Variants in MPDZ observed in about 807,000 individuals in gnomAD.
MPDZ encodes the protein multiple PDZ domain crumbs cell polarity complex component, also known as multiple PDZ domain protein.
MPDZ carries 234 observed loss-of-function variants against 239.1 expected under a neutral mutation model. The ratio of observed to expected loss-of-function variants is 0.98; its 90% CI spans 0.88 to 1.09. The LOEUF (loss-of-function observed/expected upper bound fraction) is 1.09, where lower values mean the gene tolerates loss of function less well. Among genes scored for constraint, MPDZ ranks in the 50% least tolerant of loss-of-function variants. The pLI is 0.00. For synonymous variants in MPDZ, 1,048 were observed against 881.3 expected (o/e 1.19, Z -3.35); for missense variants, 3,175 against 2,510.0 (o/e 1.26, Z -5.66).
chr9:13,107,246 C>T (rs746733454), intron 46 of MPDZ, 135 bp from the exon 47 acceptor site: 12 of 907,490 alleles, frequency 1.3e-5, no homozygotes, highest in Non-Finnish European at 1.7e-5. Flanking sequence ...CATGGGTGCT[C>T]TAAGCCATTA....
At chr9:13,217,367 A>C in intron 8 of MPDZ, 73 bp from the exon 9 acceptor site, 1 of 968,298 alleles carries the variant, frequency 1.0e-6, no homozygotes, top group Non-Finnish European at 1.5e-6. Flanking sequence ...AAACAAACAA[A>C]CAAAAAAACC....
At position 13,251,536 on chromosome 9, in the gene MPDZ, G is replaced by A. The variant is rs74537205; in HGVS notation, c.-57-1164C>T. ...ACAGAAAACCCTGAATCATGAGGAA[G>A]ACAGTCAGTCAGTCATTCCTTCAAT... On this transcript the variant is annotated intron_variant, in intron 1 of 46. Transcript: ENST00000319217. Among the ~76,000 whole-genome samples, 1,036 of 152,300 alleles carry A rather than the reference G, an allele frequency of 6.8e-3. 16 individuals carry two copies. The highest frequency in any genetic ancestry group is 0.024 in the African/African-American group (1,000 of 41,552).
chr9:13,159,365 T>C (rs1406380403), intron 23 of MPDZ, among the ~76,000 whole-genome samples: 1 of 152,140 alleles, frequency 6.6e-6, no homozygotes, highest in Admixed American at 6.6e-5. Flanking sequence ...CGAATGAGGG[T>C]AGGGCTCCTA....
intron 3 of MPDZ, among the ~76,000 whole-genome samples, chr9:13,227,512 G>A (rs575557075): frequency 6.6e-6 from 1 of 152,004 alleles, no homozygotes; most frequent in Non-Finnish European, 1.5e-5. Flanking sequence ...AATGGCTATG[G>A]TATGTTTGCA....
chr9:13,218,445 C>T (rs193256567), intron 8 of MPDZ, among the ~76,000 whole-genome samples: 83 of 151,946 alleles, frequency 5.5e-4, no homozygotes, highest in Admixed American at 2.6e-3. Flanking sequence ...AAGTGGTTTT[C>T]GGTATTGCAT....
chr9:13,242,661 T>C (rs1464264067), intron 3 of MPDZ, among the ~76,000 whole-genome samples: 3 of 151,390 alleles, frequency 2.0e-5, no homozygotes, highest in African/African-American at 7.3e-5. Flanking sequence ...AAATAAAACA[T>C]CTTACTTAAA....
In MPDZ at chr9:13,157,979, A is replaced by C. The variant is rs187536161; in HGVS notation, c.3452+39T>G. ...ACACCTGCTTATCTTTAAACACTAT[A>C]TATCCATTGGGTGGACAGAAGACAG... On this transcript the variant is annotated intron_variant, in intron 24 of 46. Coordinates refer to ENST00000319217, the MANE Select transcript of MPDZ (RefSeq NM_001378778.1). The C allele has an allele frequency of 2.4e-4, 366 of 1,532,880 alleles. 2 individuals are homozygous for C. In the African/African-American group the frequency reaches 4.3e-3, roughly 18 times the overall value. The allele number at this position is 1,532,880 out of a possible 1,614,324, so 95.0% of individuals were successfully genotyped here. A position where few individuals can be genotyped will look rare whatever the true frequency, so the allele number is the denominator to read the frequency against.
intron 12 of MPDZ, among the ~76,000 whole-genome samples, chr9:13,201,099 A>G (rs754649894): frequency 6.6e-6 from 1 of 151,930 alleles, no homozygotes; most frequent in African/African-American, 2.4e-5. Context: ...TGTTGGGTGT[A>G]TATATATTTA....
intron 1 of MPDZ, among the ~76,000 whole-genome samples, chr9:13,260,937 G>A (rs1970546571): frequency 6.6e-6 from 1 of 152,136 alleles, no homozygotes; most frequent in African/African-American, 2.4e-5. Context: ...CTCCTCCAAG[G>A]ACTATGCTAT....
intron 39 of MPDZ, among the ~76,000 whole-genome samples, chr9:13,118,342 G>A (rs149993546): frequency 7.1e-4 from 108 of 152,212 alleles, no homozygotes; most frequent in East Asian, 2.1e-3. Context: ...GAGAAGTGAC[G>A]AATGTTAACT....
At position 13,196,572 on chromosome 9, in the gene MPDZ, G is replaced by A. The variant is rs532972934; in HGVS notation, c.1547-342C>T. ...TAATGCTACAGTAAAAAGGGATGTC[G>A]TCTTCAATGTTCTCTGTTTTATTTT... On this transcript the variant is annotated intron_variant, in intron 12 of 46. Coordinates refer to ENST00000319217, the MANE Select transcript of MPDZ (RefSeq NM_001378778.1). Among the ~76,000 whole-genome samples, 51 of 152,104 alleles carry A rather than the reference G, an allele frequency of 3.4e-4. No individual in the cohort carries two copies. The South Asian group carries it at 8.6e-3, about 26-fold the overall frequency.
At chr9:13,168,340 T>G (rs1300517428) in intron 22 of MPDZ, 26 bp downstream of exon 22, 1 of 1,597,318 alleles carries the variant, frequency 6.3e-7, no homozygotes, top group South Asian at 1.1e-5. Context: ...TTTCCCAAGT[T>G]AAACTGGGCT....
chr9:13,138,483 AGAG>A (rs1222956844), intron 28 of MPDZ, among the ~76,000 whole-genome samples: 1 of 152,228 alleles, frequency 6.6e-6, no homozygotes, highest in Non-Finnish European at 1.5e-5. Context: ...GATCATTTGC[AGAG>A]GAGAACAGAA....
chr9:13,240,733 C>T (rs1965205936), intron 3 of MPDZ, among the ~76,000 whole-genome samples: 1 of 151,882 alleles, frequency 6.6e-6, no homozygotes, highest in South Asian at 2.1e-4. Context: ...AGGACAAAAC[C>T]TACCTCCTGG....
chr9:13,193,211 C>A lies in MPDZ; in HGVS notation c.1759G>T (p.Val587Phe), dbSNP rs1458116154. The change falls in exon 14 of 47, where the codon GTT becomes TTT. Residue 587 changes from valine (V) to phenylalanine (F), a missense_variant. Coordinates refer to ENST00000319217, the MANE Select transcript of MPDZ (RefSeq NM_001378778.1). ...CTGAAGAGCTTCCCGCTGTGTCCAACAGGACCCTCTGGTAGAACAGATCGG... is the reference window on the plus strand; with the variant it reads ...CTGAAGAGCTTCCCGCTGTGTCCAAAAGGACCCTCTGGTAGAACAGATCGG... ...FIRSVLPEGP[V>F]GHSGKLFSGD... The A allele has an allele frequency of 6.2e-7, 1 of 1,608,286 alleles. No individual in the cohort carries two copies. Among genetic ancestry groups the A allele is most frequent in the South Asian group, 1.1e-5 (1 of 90,114 alleles).
chr9:13,211,175 G>C (rs558724621), intron 10 of MPDZ, among the ~76,000 whole-genome samples: 31 of 152,170 alleles, frequency 2.0e-4, no homozygotes, highest in African/African-American at 6.5e-4. Flanking sequence ...AACTGTGTCT[G>C]ATTATTTTGA....
chr9:13,194,727 T>C (rs1955418439), intron 13 of MPDZ, among the ~76,000 whole-genome samples: 1 of 151,630 alleles, frequency 6.6e-6, no homozygotes, highest in African/African-American at 2.4e-5. Flanking sequence ...AAAAAAAAAG[T>C]TCAGTCTGAG....
intron 19 of MPDZ, among the ~76,000 whole-genome samples, chr9:13,178,258 CAA>C (rs368605859): frequency 1.9e-4 from 22 of 116,670 alleles, no homozygotes; most frequent in Admixed American, 2.6e-4. Context: ...GACTGCATCT[CAA>C]AAAAAAAAAA....
intron 32 of MPDZ, among the ~76,000 whole-genome samples, chr9:13,130,241 C>A (rs532372491): frequency 3.3e-5 from 5 of 152,112 alleles, no homozygotes; most frequent in African/African-American, 7.2e-5. Context: ...ATTCTATTTT[C>A]CCATTTTTAA....
Sources: allele counts gnomAD v4.1 joint callset (sites outside exome capture counted in the v4.1 genomes callset), GRCh38; gene constraint gnomAD v4.1.1; transcripts MANE v1.5; gene names NCBI Gene and HGNC (gene_info 2026-07-23, HGNC 2026-07-21).